Variants in CGNL1 observed in about 807,000 individuals in gnomAD.
CGNL1 encodes cingulin-like protein 1.
CGNL1 carries 132 observed loss-of-function variants against 141.2 expected under a neutral mutation model. The ratio of observed to expected loss-of-function variants is 0.93; its 90% CI spans 0.81 to 1.08. The LOEUF is 1.08. Ranked by LOEUF, CGNL1 falls within the 50% of genes least tolerant of loss-of-function variation. The probability of loss-of-function intolerance (pLI) is 0.00; values close to 1 mark genes in which losing one functional copy is unlikely to be tolerated. For synonymous variants in CGNL1, 690 were observed against 622.1 expected (o/e 1.11, Z -1.63); for missense variants, 1,870 against 1,588.6 (o/e 1.18, Z -3.01).
At chr15:57,528,505 G>A (rs1161886555) in intron 12 of CGNL1, 149 bp from the exon 13 acceptor site, 2 of 724,038 alleles carry the variant, frequency 2.8e-6, no homozygotes, top group African/African-American at 1.8e-5. Context: ...CCCAGAGGGA[G>A]GTAGGACTTG....
intron 8 of CGNL1, among the ~76,000 whole-genome samples, chr15:57,474,083 G>A (rs1469644305): frequency 1.3e-5 from 2 of 151,640 alleles, no homozygotes; most frequent in East Asian, 1.9e-4. Context: ...GCTAATTTTT[G>A]TATTTTTGGT....
chr15:57,398,790 C>T (rs1296523055), intron 1 of CGNL1, among the ~76,000 whole-genome samples: 5 of 152,196 alleles, frequency 3.3e-5, no homozygotes, highest in African/African-American at 1.2e-4. Flanking sequence ...GAATAGAGAA[C>T]ACCGTACTTT....
chr15:57,474,011 A>G (rs995675349), intron 8 of CGNL1, among the ~76,000 whole-genome samples: 2 of 148,024 alleles, frequency 1.4e-5, no homozygotes, highest in East Asian at 2.0e-4. Context: ...CCCGGGTTCA[A>G]GCGATTCTCC....
intron 1 of CGNL1, among the ~76,000 whole-genome samples, chr15:57,410,525 TTTCCCATCACCAC>T (rs2062774658): frequency 1.3e-5 from 2 of 152,150 alleles, no homozygotes; most frequent in African/African-American, 4.8e-5. Flanking sequence ...TTCTGGAAGC[TTTCCCATCACCAC>T]CTCTCTCTTT....
chr15:57,453,880 G>A (rs948967872), intron 7 of CGNL1, 62 bp downstream of exon 7: 2 of 1,596,838 alleles, frequency 1.3e-6, no homozygotes, highest in African/African-American at 2.7e-5. Context: ...AGATGGAGTG[G>A]CTAGGGTTTG....
chr15:57,412,691 C>T (rs1011080327), intron 1 of CGNL1, among the ~76,000 whole-genome samples: 2 of 152,240 alleles, frequency 1.3e-5, no homozygotes, highest in South Asian at 4.1e-4. Context: ...GTTTGTGTCC[C>T]TGGCACATCT....
At chr15:57,393,671 G>A (rs370013822) in intron 1 of CGNL1, among the ~76,000 whole-genome samples, 3,871 of 152,232 alleles carry the variant, frequency 0.025, 162 homozygotes, top group African/African-American at 0.089. Flanking sequence ...TCTTGAGAGA[G>A]AGAGAAAGTG....
chr15:57,524,530 C>T lies in CGNL1; in HGVS notation c.2869-51C>T, dbSNP rs189585750. On this transcript the variant is annotated intron_variant, in intron 11 of 18. Transcript: ENST00000281282. ...TGTGTGTTGAAATGGGACCCAGACCCTGGTCTCAGAGCATCCCAGGGTGGG... is the reference window on the plus strand; with the variant it reads ...TGTGTGTTGAAATGGGACCCAGACCTTGGTCTCAGAGCATCCCAGGGTGGG... 12 of 1,536,978 alleles carry T rather than the reference C, an allele frequency of 7.8e-6. No individual in the cohort carries two copies. In the African/African-American group the frequency reaches 1.5e-4, roughly 19 times the overall value.
chr15:57,451,816 T>C (rs1216773433), intron 5 of CGNL1, among the ~76,000 whole-genome samples: 5 of 152,186 alleles, frequency 3.3e-5, no homozygotes. Context: ...ACTGTTTGCT[T>C]AGACAGAGTA....
intron 15 of CGNL1, 117 bp from the exon 16 acceptor site, chr15:57,544,356 G>A (rs1227036854): frequency 1.5e-6 from 2 of 1,307,696 alleles, no homozygotes; most frequent in African/African-American, 1.5e-5. Flanking sequence ...CCCTGGTGTG[G>A]AAAGCAGCCT....
intron 5 of CGNL1, 38 bp from the exon 6 acceptor site, chr15:57,452,103 C>T: frequency 6.3e-7 from 1 of 1,586,834 alleles, no homozygotes; most frequent in Middle Eastern, 1.7e-4. Context: ...CGTTAATGTA[C>T]AGTGGAGGCT....
intron 8 of CGNL1, among the ~76,000 whole-genome samples, chr15:57,510,187 G>C (rs2030137318): frequency 6.6e-6 from 1 of 152,216 alleles, no homozygotes; most frequent in Non-Finnish European, 1.5e-5. Flanking sequence ...TTGGGAAGCA[G>C]ATGTGAGTTT....
At chr15:57,390,728 G>A (rs893459698) in intron 1 of CGNL1, among the ~76,000 whole-genome samples, 1 of 152,168 alleles carries the variant, frequency 6.6e-6, no homozygotes, top group Non-Finnish European at 1.5e-5. Flanking sequence ...GGCATGCGCT[G>A]CCTCTCGGCT....
At chr15:57,464,670 TTTTCCTTTCCTTTCC>T (rs200160698) in intron 8 of CGNL1, among the ~76,000 whole-genome samples, 6,401 of 111,738 alleles carry the variant, frequency 0.057, 454 homozygotes, top group African/African-American at 0.18. Context: ...CTGCGGTTTC[TTTTCCTTTCCTTTCC>T]TTTCCTTTCC....
rs1485022003 is a variant in CGNL1, at chr15:57,525,735, C to T, written c.3039+984C>T. Among the ~76,000 whole-genome samples, 5 of 152,140 alleles carry T rather than the reference C, an allele frequency of 3.3e-5. No individual in the cohort carries two copies. In the East Asian group the frequency reaches 5.8e-4, roughly 18 times the overall value. ...AGTCACCCATGAGTCAGTGCTGAAACTGTGTAAAAGAACAATAGATATTTA... is the reference window on the plus strand; with the variant it reads ...AGTCACCCATGAGTCAGTGCTGAAATTGTGTAAAAGAACAATAGATATTTA... On this transcript the variant is annotated intron_variant, in intron 12 of 18. Coordinates refer to ENST00000281282, the MANE Select transcript of CGNL1 (RefSeq NM_032866.5).
At chr15:57,533,563 C>A (rs777346931) in intron 14 of CGNL1, among the ~76,000 whole-genome samples, 5 of 152,172 alleles carry the variant, frequency 3.3e-5, no homozygotes, top group Admixed American at 6.5e-5. Flanking sequence ...AGTGGGAAAG[C>A]CTGTCATCCT....
intron 1 of CGNL1, among the ~76,000 whole-genome samples, chr15:57,379,195 T>C (rs980946504): frequency 3.3e-5 from 5 of 152,148 alleles, no homozygotes; most frequent in African/African-American, 1.2e-4. Flanking sequence ...GTCTGAAAAG[T>C]CACCCCTGAA....
chr15:57,447,370 C>G (rs1462022443), intron 4 of CGNL1, among the ~76,000 whole-genome samples: 2 of 152,164 alleles, frequency 1.3e-5, no homozygotes, highest in Non-Finnish European at 2.9e-5. Flanking sequence ...TTGAGAATAG[C>G]TGTCATTCAC....
intron 1 of CGNL1, among the ~76,000 whole-genome samples, chr15:57,414,622 G>A (rs539146671): frequency 6.6e-6 from 1 of 151,866 alleles, no homozygotes; most frequent in East Asian, 1.9e-4. Flanking sequence ...ATCTCACAGT[G>A]AATTTGTCAC....
Sources: allele counts gnomAD v4.1 joint callset (sites outside exome capture counted in the v4.1 genomes callset), GRCh38; gene constraint gnomAD v4.1.1; transcripts MANE v1.5; gene names NCBI Gene and HGNC (gene_info 2026-07-23, HGNC 2026-07-21).